LILRB1: variants seen among roughly 807,000 people sequenced by gnomAD.
The protein encoded by LILRB1 is leukocyte immunoglobulin like receptor B1.
Under a neutral mutation model 74.6 loss-of-function variants are expected in LILRB1, and 59 were observed. The observed-to-expected ratio is 0.79, with a 90% confidence interval of 0.64 to 0.98. LILRB1 has a LOEUF of 0.98. Ranked by LOEUF, LILRB1 falls within the 50% of genes least tolerant of loss-of-function variation. The pLI is 0.00. For synonymous variants in LILRB1, 328 were observed against 333.9 expected (o/e 0.98, Z 0.19); for missense variants, 804 against 822.6 (o/e 0.98, Z 0.28).
chr19:54,627,179 C>T (rs2063616689), upstream of LILRB1, among the ~76,000 whole-genome samples: 1 of 152,156 alleles, frequency 6.6e-6, no homozygotes, highest in Non-Finnish European at 1.5e-5. Flanking sequence ...AGGCTGGAAC[C>T]CAAGCTGAGG....
chr19:54,621,697 T>C (rs2063462681), intron 1 of LILRB1, among the ~76,000 whole-genome samples: 1 of 152,144 alleles, frequency 6.6e-6, no homozygotes, highest in South Asian at 2.1e-4. Flanking sequence ...ATTTTAATCA[T>C]GTCTCATTTG....
intron 9 of LILRB1, chr19:54,634,241 G>A: frequency 6.7e-7 from 1 of 1,500,900 alleles, no homozygotes; most frequent in Admixed American, 2.2e-5. Flanking sequence ...AGGCCTCCCA[G>A]GGAACCTCCC....
At chr19:54,630,371 G>A, upstream of LILRB1, 1 of 181,802 alleles carries the variant, frequency 5.5e-6, no homozygotes, top group South Asian at 4.5e-5. Flanking sequence ...GGTGGGGTTG[G>A]ACACTGTAGC....
chr19:54,617,888 G>A lies in LILRB1; in HGVS notation c.-166+539G>A, dbSNP rs543676145. ...AAGCTGAGGTAGGTGACTCATGTGA[G>A]ATCAGGAGTTCAAGACCAGCCTGGC... On this transcript the variant is annotated intron_variant, in intron 1 of 15. Transcript: ENST00000396331. Among the ~76,000 whole-genome samples the A allele has an allele frequency of 2.0e-5, 3 of 152,096 alleles. No homozygotes were observed. In the South Asian group the frequency reaches 6.2e-4, roughly 32 times the overall value.
intron 13 of LILRB1, 101 bp from the exon 14 acceptor site, chr19:54,636,393 G>A (rs41308138): frequency 0.14 from 215,246 of 1,525,640 alleles, 13,512 homozygotes; most frequent in African/African-American, 0.18. Flanking sequence ...AGATTCCATC[G>A]GGAAAGGGAT....
rs754219465 is a variant in LILRB1 at position 54,632,560 on chromosome 19, A to G, written c.758A>G (p.Asn253Ser). 1.2e-6 allele frequency: 2 copies of G among 1,614,124 alleles called. No individual in the cohort carries two copies. The highest frequency in any genetic ancestry group is 1.1e-5 in the South Asian group (1 of 91,086). ...CAGTGTGGCTCTGATGCTGGCTACA[A>G]CAGATTTGTTCTGTATAAGGACGGG... ...TLQCGSDAGY[N>S]RFVLYKDGER... Residue 253 changes from asparagine to serine, a missense_variant, in exon 6 of 15, where the codon AAC becomes AGC. Transcript: ENST00000324602.
intron 9 of LILRB1, chr19:54,634,275 T>C: frequency 6.5e-7 from 1 of 1,533,584 alleles, no homozygotes; most frequent in South Asian, 1.2e-5. Context: ...CGGGGGCCTG[T>C]CCCGTCCCAC....
At position 54,634,543 on chromosome 19, in the gene LILRB1, G is replaced by C; in HGVS notation, c.1364-98G>C. ...TTCTGTGCTGCACGACTGTTGTGGG[G>C]GTTGGAGGTGGTGAACAGAAGGTCC... On this transcript the variant is annotated intron_variant, in intron 9 of 14. Coordinates refer to ENST00000324602, the MANE Select transcript of LILRB1 (RefSeq NM_001081637.3). The C allele has an allele frequency of 2.0e-6, 3 of 1,518,508 alleles. No homozygotes were observed. In the South Asian group the frequency reaches 3.6e-5, roughly 18 times the overall value. The allele number at this position is 1,518,508 out of a possible 1,614,324, so 94.1% of individuals were successfully genotyped here. A position where few individuals can be genotyped will look rare whatever the true frequency, so the allele number is the denominator to read the frequency against.
chr19:54,630,066 C>T (rs1041683882), upstream of LILRB1, among the ~76,000 whole-genome samples: 2 of 152,076 alleles, frequency 1.3e-5, no homozygotes, highest in African/African-American at 4.8e-5. Flanking sequence ...TGAGCCCCTC[C>T]TAATGTTCCA....
chr19:54,617,952 C>T (rs923262899), intron 1 of LILRB1, among the ~76,000 whole-genome samples: 1 of 151,356 alleles, frequency 6.6e-6, no homozygotes, highest in Non-Finnish European at 1.5e-5. Flanking sequence ...AAATGCAAAA[C>T]TTAGCCAGGC....
At chr19:54,626,805 G>A (rs1023666634), upstream of LILRB1, among the ~76,000 whole-genome samples, 3 of 152,234 alleles carry the variant, frequency 2.0e-5, no homozygotes, top group Non-Finnish European at 4.4e-5. Flanking sequence ...AAGGAAAGCT[G>A]ATGAGGAGCA....
At chr19:54,636,168 T>C (rs1436539360) in intron 13 of LILRB1, 1 of 582,430 alleles carries the variant, frequency 1.7e-6, no homozygotes, top group Non-Finnish European at 3.3e-6. Context: ...TCAGCTGTCA[T>C]CTGAGAAGCC....
At position 54,637,563 on chromosome 19, in the gene LILRB1, A is replaced by G. The variant is rs1308178392; in HGVS notation, c.*685A>G. 2 of 151,848 alleles carry G rather than the reference A, an allele frequency of 1.3e-5. No individual in the cohort carries two copies. Among genetic ancestry groups the G allele is most frequent in the Non-Finnish European group, 2.9e-5 (2 of 67,994 alleles). 9.4% of individuals were successfully genotyped at this position (151,848 alleles called of 1,614,324 possible). A position where few individuals can be genotyped will look rare whatever the true frequency, so the allele number is the denominator to read the frequency against. The stretch of plus-strand genomic sequence containing the variant: ...AAAAAAAAAGAAAGAAAAAGAGAAA[A>G]AAGAAATTTAGAAGAATAACAAGTT... On this transcript the variant is annotated 3_prime_UTR_variant, in exon 15 of 15. Transcript: ENST00000324602.
chr19:54,635,564 C>T lies in LILRB1; in HGVS notation c.1608C>T (p.Ala536=), dbSNP rs370890852. The T allele has an allele frequency of 1.9e-3, 3,024 of 1,613,224 alleles. 63 individuals carry two copies. In the South Asian group the frequency reaches 0.03, roughly 16 times the overall value. Reference sequence around the variant, plus strand: ...CTTGCTCTGCCCCAGCAGATGCTGCCGTGAAGCACACACAGCCTGAGGATG... The same window carrying T: ...CTTGCTCTGCCCCAGCAGATGCTGCTGTGAAGCACACACAGCCTGAGGATG... ...ADAQEENLYA[A]VKHTQPEDGV... The change falls in exon 13 of 15, where the codon GCC becomes GCT. Residue 536 remains alanine, a synonymous_variant. Transcript: ENST00000324602.
In LILRB1 at chr19:54,633,659, C is replaced by T. The variant is rs1300963253; in HGVS notation, c.1283C>T (p.Ser428Phe). The T allele has an allele frequency of 1.9e-6, 3 of 1,613,646 alleles. No individual in the cohort carries two copies. Among genetic ancestry groups the T allele is most frequent in the South Asian group, 1.1e-5 (1 of 91,026 alleles). The change falls in exon 8 of 15, where the codon TCC becomes TTC. Residue 428 changes from serine (S) to phenylalanine (F), a missense_variant. Transcript: ENST00000324602. ...VVSGPSGGPS[S>F]PTTGPTSTSA... Reference sequence around the variant, plus strand: ...CCAGGACCGTCTGGGGGCCCCAGCTCCCCGACAACAGGCCCCACCTCCACA... The same window carrying T: ...CCAGGACCGTCTGGGGGCCCCAGCTTCCCGACAACAGGCCCCACCTCCACA...
At chr19:54,632,994 C>G in intron 6 of LILRB1, 22 bp from the exon 7 acceptor site, 1 of 1,605,344 alleles carries the variant, frequency 6.2e-7, no homozygotes, top group Non-Finnish European at 8.5e-7. Flanking sequence ...GGCAGCCCCT[C>G]GCCCATCCTT....
At chr19:54,622,283 A>G (rs528933111) in intron 1 of LILRB1, among the ~76,000 whole-genome samples, 3 of 152,202 alleles carry the variant, frequency 2.0e-5, no homozygotes, top group Non-Finnish European at 4.4e-5. Flanking sequence ...TTTGGGCAAT[A>G]TGGTCATTTT....
At chr19:54,634,848 T>C in intron 10 of LILRB1, 85 bp downstream of exon 10, 2 of 1,553,362 alleles carry the variant, frequency 1.3e-6, no homozygotes, top group Middle Eastern at 1.7e-4. Flanking sequence ...ACTGGGCAAA[T>C]GCAGCTTTGA....
intron 1 of LILRB1, 32 bp downstream of exon 1, chr19:54,630,665 G>A (rs774935428): frequency 1.3e-5 from 11 of 833,476 alleles, no homozygotes; most frequent in South Asian, 4.1e-5. Context: ...GCTGATGGAC[G>A]GCTGAAGGAG....
Sources: allele counts gnomAD v4.1 joint callset (sites outside exome capture counted in the v4.1 genomes callset), GRCh38; gene constraint gnomAD v4.1.1; transcripts MANE v1.5; gene names NCBI Gene and HGNC (gene_info 2026-07-23, HGNC 2026-07-21).